Variants in HERC3 observed in about 807,000 individuals in gnomAD.
HERC3 encodes HECT and RLD domain containing E3 ubiquitin protein ligase 3, also known as probable E3 ubiquitin-protein ligase HERC3.
A neutral mutation model predicts 129.9 loss-of-function variants in HERC3; 58 were observed. That is an observed-to-expected ratio of 0.45 (90% CI 0.36 to 0.56). The LOEUF is 0.56. Ranked by LOEUF, HERC3 falls within the 20% of genes least tolerant of loss-of-function variation. The pLI, the probability that HERC3 is intolerant of heterozygous loss-of-function variation, is 0.00. For missense variants in HERC3, 835 were observed against 1,244.2 expected (o/e 0.67, Z 4.95); for synonymous variants, 430 against 451.0 (o/e 0.95, Z 0.59).
At chr4:88,672,539 T>C (rs1374915707) in intron 16 of HERC3, among the ~76,000 whole-genome samples, 1 of 152,262 alleles carries the variant, frequency 6.6e-6, no homozygotes, top group East Asian at 1.9e-4. Flanking sequence ...TTTGTTTAAC[T>C]ACTTTTAAAT....
At chr4:88,704,676 C>A in intron 25 of HERC3, 66 bp downstream of exon 25, 1 of 938,308 alleles carries the variant, frequency 1.1e-6, no homozygotes, top group Non-Finnish European at 1.7e-6. Context: ...TATAGGATGA[C>A]ATGCTCCACA....
At chr4:88,674,973 G>A (rs1425046420) in intron 16 of HERC3, among the ~76,000 whole-genome samples, 7 of 152,054 alleles carry the variant, frequency 4.6e-5, no homozygotes, top group East Asian at 1.9e-4. Context: ...CTGCTTATTC[G>A]CATACTACTG....
At chr4:88,610,098 T>A (rs1371460830) in intron 3 of HERC3, among the ~76,000 whole-genome samples, 2 of 152,154 alleles carry the variant, frequency 1.3e-5, no homozygotes, top group Non-Finnish European at 2.9e-5. Context: ...TAACCTGTTT[T>A]ATCAGCAAAG....
At chr4:88,613,541 C>T (rs1724582072) in intron 3 of HERC3, among the ~76,000 whole-genome samples, 1 of 152,222 alleles carries the variant, frequency 6.6e-6, no homozygotes, top group Admixed American at 6.5e-5. Flanking sequence ...TTTCAACCAG[C>T]TTCTCAGGTT....
At chr4:88,628,308 C>T (rs1726356326) in intron 3 of HERC3, among the ~76,000 whole-genome samples, 1 of 152,124 alleles carries the variant, frequency 6.6e-6, no homozygotes, top group South Asian at 2.1e-4. Flanking sequence ...CTCTTTGTCC[C>T]TAGTAATATT....
intron 10 of HERC3, among the ~76,000 whole-genome samples, 157 bp downstream of exon 10, chr4:88,658,648 G>A (rs1730169026): frequency 6.6e-6 from 1 of 152,158 alleles, no homozygotes; most frequent in African/African-American, 2.4e-5. Context: ...GGAAGAAGTT[G>A]TCTCCATTTG....
chr4:88,524,715 CAAATT>C, the HERC3 span: 22 of 152,190 alleles, frequency 1.4e-4, no homozygotes, highest in Non-Finnish European at 2.9e-5. Context: ...GTGCCTGGCA[CAAATT>C]AATGCTCCAT....
the HERC3 span, among the ~76,000 whole-genome samples, chr4:88,529,883 T>C: frequency 2.6e-5 from 4 of 152,242 alleles, no homozygotes; most frequent in South Asian, 2.1e-4. Context: ...CAGTTCATAA[T>C]TGATAAAAGA....
chr4:88,563,901 A>G, the HERC3 span, among the ~76,000 whole-genome samples: 3 of 151,932 alleles, frequency 2.0e-5, no homozygotes, highest in East Asian at 5.8e-4. Context: ...CAGGTGATCC[A>G]CCCACCTCAG....
intron 23 of HERC3, chr4:88,697,780 A>T (rs1282795161): frequency 6.4e-7 from 1 of 1,568,012 alleles, no homozygotes; most frequent in East Asian, 2.3e-5. Flanking sequence ...GCAGAGGTCT[A>T]GGAGGGCTCC....
intron 3 of HERC3, among the ~76,000 whole-genome samples, chr4:88,638,950 G>T (rs1373340790): frequency 1.3e-5 from 2 of 152,074 alleles, no homozygotes; most frequent in African/African-American, 2.4e-5. Flanking sequence ...AACAGCAATG[G>T]AAAAGCAGAG....
Position 88,676,396 on chromosome 4 carries a change from A to G in HERC3, c.1998A>G (p.Leu666=), listed in dbSNP as rs760430365. ...ATGCCCAAGCCAAGACCAAAATGTTACAGACAGATGCTGAACTACAGATGC... is the reference window on the plus strand; with the variant it reads ...ATGCCCAAGCCAAGACCAAAATGTTGCAGACAGATGCTGAACTACAGATGC... ...IFDAQAKTKM[L]QTDAELQMQV... is the part of the protein sequence containing the mutation. The change falls in exon 18 of 26, where the codon TTA becomes TTG. Residue 666 remains leucine (L), a synonymous_variant. Coordinates refer to ENST00000402738, the MANE Select transcript of HERC3 (RefSeq NM_014606.3). 2.5e-6 allele frequency: 4 copies of G among 1,611,320 alleles called. No homozygotes were observed. The highest frequency in any genetic ancestry group is 2.2e-5 in the East Asian group (1 of 44,788).
At position 88,706,987 on chromosome 4, in the gene HERC3, C is replaced by G. The variant is rs1472918012; in HGVS notation, c.*27C>G. 1 of 1,569,826 alleles carries G rather than the reference C, an allele frequency of 6.4e-7. No homozygotes were observed. The highest frequency in any genetic ancestry group is 2.2e-5 in the East Asian group (1 of 44,634). The stretch of plus-strand genomic sequence containing the variant: ...GCTTCTCAGCTTGTCCAGTATTTCC[C>G]TTCGTTCCTCAGTGTCCACATTGAG... On this transcript the variant is annotated 3_prime_UTR_variant, in exon 26 of 26. Transcript: ENST00000402738.
At chr4:88,577,858 A>G in the HERC3 span, among the ~76,000 whole-genome samples, 3 of 152,182 alleles carry the variant, frequency 2.0e-5, no homozygotes, top group African/African-American at 7.2e-5. Context: ...ACAGAATTGT[A>G]CTATGAGTGA....
the HERC3 span, among the ~76,000 whole-genome samples, chr4:88,554,110 G>A: frequency 6.6e-6 from 1 of 152,146 alleles, no homozygotes; most frequent in African/African-American, 2.4e-5. Context: ...CATGTTGGGA[G>A]GCTGAGATGG....
chr4:88,543,583 A>T, the HERC3 span, among the ~76,000 whole-genome samples: 2 of 152,176 alleles, frequency 1.3e-5, no homozygotes, highest in Non-Finnish European at 2.9e-5. Flanking sequence ...GGAAAAAACT[A>T]CTTTAAAGTT....
At chr4:88,539,258 A>C in the HERC3 span, among the ~76,000 whole-genome samples, 1 of 152,198 alleles carries the variant, frequency 6.6e-6, no homozygotes, top group Non-Finnish European at 1.5e-5. Context: ...CCGGCAGACC[A>C]GGAGATTCCC....
chr4:88,532,777 G>A, the HERC3 span, among the ~76,000 whole-genome samples: 3 of 152,172 alleles, frequency 2.0e-5, no homozygotes, highest in African/African-American at 4.8e-5. Flanking sequence ...TCCTCTGGAC[G>A]TAGAGTTGTA....
At chr4:88,704,069 T>C (rs770922127) in intron 23 of HERC3, 29 bp from the exon 24 acceptor site, 1 of 1,600,960 alleles carries the variant, frequency 6.2e-7, no homozygotes, top group Non-Finnish European at 8.6e-7. Context: ...GACTTTGAGC[T>C]AAATGTATTT....
Sources: allele counts gnomAD v4.1 joint callset (sites outside exome capture counted in the v4.1 genomes callset), GRCh38; gene constraint gnomAD v4.1.1; transcripts MANE v1.5; gene names NCBI Gene and HGNC (gene_info 2026-07-23, HGNC 2026-07-21).